Variants in PPP2R2A observed in about 807,000 individuals in gnomAD.
PPP2R2A encodes protein phosphatase 2 regulatory subunit Balpha, also known as serine/threonine-protein phosphatase 2A 55 kDa regulatory subunit B alpha isoform.
In PPP2R2A, 9 loss-of-function variants were observed where a neutral mutation model predicts 53.2. The ratio of observed to expected loss-of-function variants is 0.17; its 90% CI spans 0.10 to 0.30. PPP2R2A has a LOEUF of 0.30. Among genes scored for constraint, PPP2R2A ranks in the 10% least tolerant of loss-of-function variants. PPP2R2A has a pLI of 1.00. For missense variants in PPP2R2A, 235 were observed against 534.6 expected (o/e 0.44, Z 5.53); for synonymous variants, 169 against 174.2 (o/e 0.97, Z 0.23).
At chr8:26,306,087 C>T (rs1239609030) in intron 2 of PPP2R2A, among the ~76,000 whole-genome samples, 4 of 151,340 alleles carry the variant, frequency 2.6e-5, no homozygotes, top group East Asian at 3.9e-4. Flanking sequence ...ACAGGAGAAT[C>T]GCTTGAACCC....
chr8:26,355,992 G>T (rs1468655005), intron 4 of PPP2R2A, among the ~76,000 whole-genome samples: 2 of 152,074 alleles, frequency 1.3e-5, no homozygotes, highest in Non-Finnish European at 2.9e-5. Context: ...ACTTTGTTGG[G>T]GTCTTGAGTC....
At chr8:26,304,404 C>T (rs762926842) in intron 2 of PPP2R2A, among the ~76,000 whole-genome samples, 10 of 151,764 alleles carry the variant, frequency 6.6e-5, no homozygotes, top group Non-Finnish European at 1.2e-4. Context: ...TTTTCAGTAG[C>T]TTGTATTAAG....
chr8:26,367,800 G>A (rs1805457835), intron 9 of PPP2R2A, among the ~76,000 whole-genome samples: 1 of 152,130 alleles, frequency 6.6e-6, no homozygotes, highest in African/African-American at 2.4e-5. Context: ...CATCTAATCC[G>A]GAGACCCACT....
At chr8:26,320,782 A>C (rs1188192954) in intron 2 of PPP2R2A, among the ~76,000 whole-genome samples, 1 of 152,220 alleles carries the variant, frequency 6.6e-6, no homozygotes, top group African/African-American at 2.4e-5. Flanking sequence ...TTAAATTAAC[A>C]TGGTAGAAAA....
chr8:26,299,718 C>CTT (rs772629459), intron 2 of PPP2R2A, among the ~76,000 whole-genome samples: 38 of 143,174 alleles, frequency 2.7e-4, no homozygotes, highest in African/African-American at 6.1e-4. Flanking sequence ...TTCTGCATCT[C>CTT]TTTTTTTTTT....
intron 4 of PPP2R2A, among the ~76,000 whole-genome samples, chr8:26,356,110 G>A (rs192296955): frequency 3.0e-4 from 46 of 152,146 alleles, no homozygotes; most frequent in Admixed American, 8.5e-4. Context: ...AGGGTGAGGG[G>A]AACCTCTTAT....
chr8:26,344,818 A>G (rs1456988246), intron 3 of PPP2R2A, among the ~76,000 whole-genome samples: 1 of 152,196 alleles, frequency 6.6e-6, no homozygotes, highest in African/African-American at 2.4e-5. Flanking sequence ...TGAATTAACC[A>G]TATTTCTTAT....
At chr8:26,341,463 C>T (rs1315788568) in intron 3 of PPP2R2A, among the ~76,000 whole-genome samples, 1 of 152,112 alleles carries the variant, frequency 6.6e-6, no homozygotes, top group East Asian at 1.9e-4. Flanking sequence ...TATGAATTCA[C>T]ATGTATATAT....
chr8:26,361,217 C>T (rs1056531700), intron 6 of PPP2R2A, 66 bp downstream of exon 6: 2 of 1,435,896 alleles, frequency 1.4e-6, no homozygotes, highest in Non-Finnish European at 1.9e-6. Flanking sequence ...AGATTTATTT[C>T]ATCTCTCCTA....
intron 1 of PPP2R2A, chr8:26,293,401 T>G: frequency 1.1e-6 from 1 of 871,350 alleles, no homozygotes; most frequent in Admixed American, 2.6e-5. Flanking sequence ...TTTTACTGTA[T>G]TTGACAGGAA....
At chr8:26,310,052 G>A (rs1237696412) in intron 2 of PPP2R2A, among the ~76,000 whole-genome samples, 5 of 150,876 alleles carry the variant, frequency 3.3e-5, no homozygotes, top group African/African-American at 1.2e-4. Context: ...GGAGGCTGAG[G>A]CGGGCGGATC....
At chr8:26,352,825 C>T (rs1804589371) in intron 3 of PPP2R2A, among the ~76,000 whole-genome samples, 1 of 152,170 alleles carries the variant, frequency 6.6e-6, no homozygotes, top group South Asian at 2.1e-4. Context: ...GTGGCTCGCC[C>T]TTGGCCCTTC....
intron 2 of PPP2R2A, among the ~76,000 whole-genome samples, chr8:26,330,643 G>A (rs1317845784): frequency 2.6e-5 from 4 of 152,152 alleles, no homozygotes; most frequent in South Asian, 2.1e-4. Context: ...TGATCATATG[G>A]AGCATATTTA....
At chr8:26,357,517 C>T in intron 4 of PPP2R2A, among the ~76,000 whole-genome samples, 1 of 152,158 alleles carries the variant, frequency 6.6e-6, no homozygotes, top group Non-Finnish European at 1.5e-5. Flanking sequence ...CATTTTAATT[C>T]TCTTTCTCTT....
intron 3 of PPP2R2A, among the ~76,000 whole-genome samples, chr8:26,345,861 T>C (rs1804185811): frequency 6.6e-6 from 1 of 152,218 alleles, no homozygotes; most frequent in Non-Finnish European, 1.5e-5. Context: ...GGTGTATTTA[T>C]TGAATTTGGA....
chr8:26,296,974 T>C (rs929668365), intron 2 of PPP2R2A, among the ~76,000 whole-genome samples: 22 of 152,220 alleles, frequency 1.4e-4, no homozygotes, highest in African/African-American at 5.3e-4. Context: ...AACTAGTGTA[T>C]GTCACTGGGG....
intron 2 of PPP2R2A, among the ~76,000 whole-genome samples, chr8:26,325,988 G>T (rs551022969): frequency 1.3e-5 from 2 of 152,164 alleles, no homozygotes; most frequent in East Asian, 3.9e-4. Flanking sequence ...GGTGTGCGCT[G>T]CCATGCCTGG....
At chr8:26,308,609 C>G (rs185022336) in intron 2 of PPP2R2A, among the ~76,000 whole-genome samples, 3 of 152,286 alleles carry the variant, frequency 2.0e-5, no homozygotes, top group Non-Finnish European at 4.4e-5. Flanking sequence ...AATTCTAGTT[C>G]TCTCGCTATT....
chr8:26,328,427 C>T (rs1009989865), intron 2 of PPP2R2A, among the ~76,000 whole-genome samples: 2 of 152,112 alleles, frequency 1.3e-5, no homozygotes, highest in Admixed American at 1.3e-4. Context: ...TAAGTATTGC[C>T]TCTTTTTAAA....
Sources: gnomAD v4.1 joint callset for allele counts (sites outside exome capture counted in the v4.1 genomes callset) on GRCh38, gnomAD v4.1.1 for gene constraint, MANE v1.5 for transcripts, NCBI Gene and HGNC (gene_info 2026-07-23, HGNC 2026-07-21) for gene names.